The following SIPA1L1 variants were observed in gnomAD, a reference collection of about 807,000 sequenced individuals.
SIPA1L1 encodes the protein signal-induced proliferation-associated 1-like protein 1.
SIPA1L1 carries 26 observed loss-of-function variants against 162.7 expected under a neutral mutation model. That is an observed-to-expected ratio of 0.16 (90% CI 0.12 to 0.22). SIPA1L1 has a LOEUF of 0.22. Ranked by LOEUF, SIPA1L1 falls within the 10% of genes least tolerant of loss-of-function variation. The pLI, the probability that SIPA1L1 is intolerant of heterozygous loss-of-function variation, is 1.00. For missense variants in SIPA1L1, 1,874 were observed against 2,241.0 expected, an observed-to-expected ratio of 0.84 and a Z score of 3.31; for synonymous variants, 829 against 837.4, an observed-to-expected ratio of 0.99 and a Z score of 0.17.
chr14:71,435,429 G>GT (rs2044301923), intron 2 of SIPA1L1, among the ~76,000 whole-genome samples: 1 of 152,142 alleles, frequency 6.6e-6, no homozygotes, highest in East Asian at 1.9e-4. Flanking sequence ...TGCGGTGTTT[G>GT]GTTTTTTGTC....
At chr14:71,407,055 A>C (rs1485274157) in intron 2 of SIPA1L1, among the ~76,000 whole-genome samples, 1 of 152,202 alleles carries the variant, frequency 6.6e-6, no homozygotes, top group African/African-American at 2.4e-5. Flanking sequence ...CAGCCTGGCC[A>C]AAATGGAGAA....
chr14:71,734,732 T>TGGTATA (rs1326833234), intron 21 of SIPA1L1, among the ~76,000 whole-genome samples: 26 of 152,246 alleles, frequency 1.7e-4, no homozygotes, highest in Non-Finnish European at 2.9e-5. Context: ...TTGGTTAATC[T>TGGTATA]CCTTCATATA....
intron 12 of SIPA1L1, among the ~76,000 whole-genome samples, chr14:71,676,966 T>A (rs1358964561): frequency 6.6e-6 from 1 of 152,208 alleles, no homozygotes; most frequent in Admixed American, 6.5e-5. Context: ...AGCAGCATGA[T>A]TTATAATCCT....
chr14:71,401,750 T>G (rs914030218), intron 2 of SIPA1L1, among the ~76,000 whole-genome samples: 2 of 152,116 alleles, frequency 1.3e-5, no homozygotes, highest in African/African-American at 2.4e-5. Flanking sequence ...TTTGGTAAGT[T>G]ATATATCATA....
chr14:71,536,777 A>G (rs2053942356), intron 4 of SIPA1L1, among the ~76,000 whole-genome samples: 1 of 152,196 alleles, frequency 6.6e-6, no homozygotes, highest in African/African-American at 2.4e-5. Flanking sequence ...TTTAAATTAT[A>G]ATGTTGTATT....
chr14:71,438,576 G>A (rs1270991762), intron 2 of SIPA1L1, among the ~76,000 whole-genome samples: 5 of 152,144 alleles, frequency 3.3e-5, no homozygotes, highest in East Asian at 1.9e-4. Flanking sequence ...ACATTTATGC[G>A]CATGTGGTAA....
intron 2 of SIPA1L1, chr14:71,503,979 A>AT (rs1268913538): frequency 6.6e-6 from 1 of 151,812 alleles, no homozygotes; most frequent in Non-Finnish European, 1.5e-5. Context: ...ACTTTTCTGT[A>AT]TTTTTTGTAG....
chr14:71,661,600 G>A (rs757085174), intron 10 of SIPA1L1, 133 bp downstream of exon 10: 1 of 902,216 alleles, frequency 1.1e-6, no homozygotes, highest in Non-Finnish European at 1.6e-6. Context: ...AACCATGCAT[G>A]CGGATGGCTG....
At chr14:71,413,122 T>G (rs868551743) in intron 2 of SIPA1L1, among the ~76,000 whole-genome samples, 24 of 152,306 alleles carry the variant, frequency 1.6e-4, no homozygotes, top group Middle Eastern at 6.8e-3. Flanking sequence ...TCCCTGGTTT[T>G]TGTGTATTAC....
rs774172940 is a variant in SIPA1L1, at chr14:71,730,064, C to T, written c.4624C>T (p.Leu1542Phe). The T allele has an allele frequency of 1.2e-6, 2 of 1,613,928 alleles. No homozygotes were observed. The change falls in exon 20 of 24, where the codon CTC becomes TTC. Residue 1542 changes from leucine to phenylalanine, a missense_variant. Around this residue, in one of 5 missense-constraint regions of SIPA1L1, gnomAD observed 936 missense variants for 1,051.9 expected, o/e 0.89. Transcript: ENST00000381232. The stretch of plus-strand genomic sequence containing the variant: ...TGATCCTGTTTTTCAGTTCCACGCA[C>T]TCTCCTCTCCTCAGTCTCCTTTCCC... ...ESQKSFKFHA[L>F]SSPQSPFPST...
rs1309124607 is a variant in SIPA1L1 at position 71,321,110 on chromosome 14, C to T, written c.-524-12C>T. 2 of 152,092 alleles carry T rather than the reference C, an allele frequency of 1.3e-5. No homozygotes were observed. Among genetic ancestry groups the T allele is most frequent in the Non-Finnish European group, 2.9e-5 (2 of 68,010 alleles). The allele number at this position is 152,092 out of a possible 1,614,324, so 9.4% of individuals were successfully genotyped here. A position where few individuals can be genotyped will look rare whatever the true frequency, so the allele number is the denominator to read the frequency against. The stretch of plus-strand genomic sequence containing the variant: ...CGCGCCGGCCGTCTACACGGTTTCT[C>T]TTTCTCCCCAGGGAGAGCGCGCGGC... On this transcript the variant is annotated splice_polypyrimidine_tract_variant and intron_variant, in intron 1 of 23. Coordinates refer to ENST00000381232, the MANE Select transcript of SIPA1L1 (RefSeq NM_001386936.1).
At chr14:71,339,879 G>T (rs2035470836) in intron 2 of SIPA1L1, among the ~76,000 whole-genome samples, 1 of 152,154 alleles carries the variant, frequency 6.6e-6, no homozygotes. Context: ...GACTCTGTGG[G>T]AGCCAGGATA....
At chr14:71,575,931 T>C (rs956120670) in intron 4 of SIPA1L1, among the ~76,000 whole-genome samples, 3 of 152,262 alleles carry the variant, frequency 2.0e-5, no homozygotes, top group Non-Finnish European at 2.9e-5. Context: ...GACTTGTTTT[T>C]GGCATTTCTC....
At chr14:71,350,923 G>A (rs930273173) in intron 2 of SIPA1L1, among the ~76,000 whole-genome samples, 9 of 152,182 alleles carry the variant, frequency 5.9e-5, no homozygotes, top group African/African-American at 1.7e-4. Flanking sequence ...TAGATTTGAT[G>A]GATCTGCACA....
Position 71,698,971 on chromosome 14 carries a change from G to A in SIPA1L1, c.3375-10G>A. Reference sequence around the variant, plus strand: ...ATTGTTGACTTCATGTTTTTGTATTGCACATGCAGGCTGTCTCCTGGTTCG... The same window carrying A: ...ATTGTTGACTTCATGTTTTTGTATTACACATGCAGGCTGTCTCCTGGTTCG... On this transcript the variant is annotated splice_polypyrimidine_tract_variant and intron_variant, in intron 13 of 23. Coordinates refer to ENST00000381232, the MANE Select transcript of SIPA1L1 (RefSeq NM_001386936.1). The A allele has an allele frequency of 6.2e-7, 1 of 1,613,928 alleles. No homozygotes were observed. The highest frequency in any genetic ancestry group is 8.5e-7 in the Non-Finnish European group (1 of 1,179,904).
intron 2 of SIPA1L1, among the ~76,000 whole-genome samples, chr14:71,437,562 A>G (rs902839001): frequency 6.6e-6 from 1 of 151,966 alleles, no homozygotes; most frequent in African/African-American, 2.4e-5. Context: ...TAGTTTCACC[A>G]TGTTGGCCAG....
intron 4 of SIPA1L1, among the ~76,000 whole-genome samples, chr14:71,564,490 C>CTTTTTTTTTTTTTTTTTT: frequency 1.0e-5 from 1 of 97,828 alleles, no homozygotes; most frequent in Non-Finnish European, 1.9e-5. Context: ...CATTTTCTTT[C>CTTTTTTTTTTTTTTTTTT]TTTTTTTTTT....
At chr14:71,659,213 A>G (rs117983825) in intron 9 of SIPA1L1, among the ~76,000 whole-genome samples, 209 of 152,332 alleles carry the variant, frequency 1.4e-3, no homozygotes, top group Non-Finnish European at 2.5e-3. Context: ...TGAGCAGTCC[A>G]ATTTTACTTC....
At chr14:71,650,292 G>A in intron 7 of SIPA1L1, 43 bp from the exon 8 acceptor site, 1 of 1,605,488 alleles carries the variant, frequency 6.2e-7, no homozygotes, top group East Asian at 2.2e-5. Context: ...GGACAAAGTG[G>A]ATCTGCCTAT....
Sources: gnomAD v4.1 joint callset for allele counts (sites outside exome capture counted in the v4.1 genomes callset) on GRCh38, gnomAD v4.1.1 for gene constraint, gnomAD v4.1.1 regional missense constraint, MANE v1.5 for transcripts, NCBI Gene and HGNC (gene_info 2026-07-23, HGNC 2026-07-21) for gene names.